GADL1: variants seen among roughly 807,000 people sequenced by gnomAD.
GADL1 encodes acidic amino acid decarboxylase GADL1.
Under a neutral mutation model 69.5 loss-of-function variants are expected in GADL1, and 71 were observed. The observed-to-expected ratio is 1.02, with a 90% CI of 0.84 to 1.25. The LOEUF (loss-of-function observed/expected upper bound fraction) is 1.25, where lower values mean the gene tolerates loss of function less well. Among genes scored for constraint, GADL1 ranks in the 50% most tolerant of loss-of-function variants. The pLI, the probability that GADL1 is intolerant of heterozygous loss-of-function variation, is 0.00. For missense variants in GADL1, 737 were observed against 631.8 expected (o/e 1.17, Z -1.79); for synonymous variants, 254 against 214.4 (o/e 1.18, Z -1.62).
chr3:30,852,654 A>T (rs920481899), intron 4 of GADL1, among the ~76,000 whole-genome samples: 3 of 151,886 alleles, frequency 2.0e-5, no homozygotes, highest in Non-Finnish European at 4.4e-5. Flanking sequence ...AAAAAAAAAA[A>T]GTATTTAGCC....
At chr3:30,826,106 T>C (rs2062776) in intron 11 of GADL1, among the ~76,000 whole-genome samples, 55,410 of 151,804 alleles carry the variant, frequency 0.37, 13,901 homozygotes, top group African/African-American at 0.68. Context: ...GTTTTATTCC[T>C]TTAATCTTAT....
At chr3:30,830,465 T>C (rs1037225770) in intron 11 of GADL1, among the ~76,000 whole-genome samples, 1 of 151,918 alleles carries the variant, frequency 6.6e-6, no homozygotes, top group Non-Finnish European at 1.5e-5. Context: ...GAGATGACTT[T>C]TTCTTTCTTA....
intron 2 of GADL1, among the ~76,000 whole-genome samples, chr3:30,859,209 C>G (rs1460509551): frequency 1.3e-5 from 2 of 151,704 alleles, no homozygotes; most frequent in Non-Finnish European, 2.9e-5. Flanking sequence ...GGGAAGTAGC[C>G]AGGGAGTGAA....
intron 4 of GADL1, among the ~76,000 whole-genome samples, chr3:30,851,684 G>A (rs1698149661): frequency 6.6e-6 from 1 of 152,046 alleles, no homozygotes. Context: ...AGCCGTCTGG[G>A]CCTAACTCCA....
intron 14 of GADL1, among the ~76,000 whole-genome samples, chr3:30,751,135 A>C (rs1183343963): frequency 6.6e-6 from 1 of 152,096 alleles, no homozygotes; most frequent in Admixed American, 6.6e-5. Context: ...TACGGGCCAT[A>C]TCCTCGCTCC....
At chr3:30,867,430 A>ATC (rs1698419434) in intron 1 of GADL1, among the ~76,000 whole-genome samples, 1 of 144,934 alleles carries the variant, frequency 6.9e-6, no homozygotes. Context: ...CTACATATAT[A>ATC]TATATATATA....
At chr3:30,834,347 CA>C in intron 9 of GADL1, 66 bp from the exon 10 acceptor site, 7 of 1,335,912 alleles carry the variant, frequency 5.2e-6, no homozygotes, top group Non-Finnish European at 7.5e-6. Flanking sequence ...AGTGGGTTGT[CA>C]TAGAAAACCC....
intron 14 of GADL1, among the ~76,000 whole-genome samples, chr3:30,764,788 G>C (rs1696230398): frequency 6.6e-6 from 1 of 152,148 alleles, no homozygotes; most frequent in African/African-American, 2.4e-5. Flanking sequence ...CTCACCCCAG[G>C]TTGTACTGAC....
chr3:30,816,155 C>A (rs887907473), intron 11 of GADL1, among the ~76,000 whole-genome samples: 1 of 152,026 alleles, frequency 6.6e-6, no homozygotes. Flanking sequence ...AATGGCTCCA[C>A]CATTAGAGGA....
intron 14 of GADL1, among the ~76,000 whole-genome samples, chr3:30,762,345 C>A (rs1383313479): frequency 2.6e-5 from 4 of 152,076 alleles, no homozygotes; most frequent in African/African-American, 9.7e-5. Flanking sequence ...ATATAAGGGT[C>A]CTTCGAAGAC....
At chr3:30,807,068 C>A (rs1697268853) in intron 11 of GADL1, among the ~76,000 whole-genome samples, 1 of 152,208 alleles carries the variant, frequency 6.6e-6, no homozygotes, top group African/African-American at 2.4e-5. Context: ...AATGAAAATG[C>A]TGTTACTTGT....
intron 1 of GADL1, among the ~76,000 whole-genome samples, chr3:30,882,016 G>T (rs1698649289): frequency 6.6e-6 from 1 of 151,942 alleles, no homozygotes; most frequent in Non-Finnish European, 1.5e-5. Context: ...CAATAAAATT[G>T]TTTATTATAA....
At chr3:30,764,784 C>G (rs1286425146) in intron 14 of GADL1, among the ~76,000 whole-genome samples, 1 of 152,154 alleles carries the variant, frequency 6.6e-6, no homozygotes, top group Admixed American at 6.5e-5. Flanking sequence ...TCGGCTCACC[C>G]CAGGTTGTAC....
chr3:30,795,150 T>C (rs1275016217), intron 12 of GADL1, among the ~76,000 whole-genome samples: 1 of 152,182 alleles, frequency 6.6e-6, no homozygotes, highest in African/African-American at 2.4e-5. Context: ...TTTCTGTAAC[T>C]TAGAATTATT....
In GADL1 at chr3:30,801,066, G is replaced by T. The variant is rs73061102; in HGVS notation, c.1073C>A (p.Ser358Tyr). Residue 358 changes from serine to tyrosine, a missense_variant, in exon 12 of 15, where the codon TCT (serine) becomes TAT (tyrosine). Ser to Tyr is a moderately radical substitution (Grantham distance 144). Transcript: ENST00000282538. ...CTGGAAGAGGTAAGATGCCTTGGCA[G>T]AGTAGCATTTTTTAAGAAGATCCTT... The part of the protein sequence containing the change: ...DKSDLLKKCY[S>Y]AKASYLFQQD... 5 of 1,613,158 alleles carry T rather than the reference G, an allele frequency of 3.1e-6. No individual in the cohort carries two copies. Among genetic ancestry groups the T allele is most frequent in the Non-Finnish European group, 3.4e-6 (4 of 1,179,568 alleles).
At chr3:30,862,639 T>G (rs2125537355) in intron 1 of GADL1, among the ~76,000 whole-genome samples, 2 of 152,140 alleles carry the variant, frequency 1.3e-5, no homozygotes, top group South Asian at 4.1e-4. Flanking sequence ...AAATTGAATT[T>G]TATGAAGATC....
At chr3:30,809,552 C>T (rs72849842) in intron 11 of GADL1, among the ~76,000 whole-genome samples, 8,598 of 152,174 alleles carry the variant, frequency 0.057, 571 homozygotes, top group African/African-American at 0.15. Flanking sequence ...GCTATCTTTC[C>T]CATTCCAGTC....
At chr3:30,802,940 CAT>C (rs1051332238) in intron 11 of GADL1, among the ~76,000 whole-genome samples, 5 of 152,016 alleles carry the variant, frequency 3.3e-5, no homozygotes, top group Non-Finnish European at 7.4e-5. Context: ...TCTCTACAAA[CAT>C]AAAAATTAGT....
intron 14 of GADL1, among the ~76,000 whole-genome samples, chr3:30,773,121 TAG>T (rs547356169): frequency 1.6e-3 from 237 of 152,268 alleles, no homozygotes; most frequent in African/African-American, 5.5e-3. Context: ...TCATGATCCT[TAG>T]AGTGGTACAA....
Sources: allele counts gnomAD v4.1 joint callset (sites outside exome capture counted in the v4.1 genomes callset), GRCh38; gene constraint gnomAD v4.1.1; transcripts MANE v1.5; gene names NCBI Gene and HGNC (gene_info 2026-07-23, HGNC 2026-07-21).